Variants in ANKRD33B observed in about 807,000 individuals in gnomAD.
ANKRD33B encodes the protein ankyrin repeat domain-containing protein 33B.
In ANKRD33B, 6 loss-of-function variants were observed where a neutral mutation model predicts 21.5. The observed-to-expected ratio is 0.28, with a 90% CI of 0.15 to 0.55. ANKRD33B has a LOEUF of 0.55. Among genes scored for constraint, ANKRD33B ranks in the 20% least tolerant of loss-of-function variants. The pLI is 0.94. For missense variants in ANKRD33B, 698 were observed against 747.2 expected, an observed-to-expected ratio of 0.93 and a Z score of 0.77; for synonymous variants, 347 against 342.4, an observed-to-expected ratio of 1.01 and a Z score of -0.15.
chr5:10,584,059 C>T (rs745861913), intron 1 of ANKRD33B, among the ~76,000 whole-genome samples: 6 of 152,316 alleles, frequency 3.9e-5, no homozygotes, highest in South Asian at 2.1e-4. Flanking sequence ...GTGGTGGCAG[C>T]TGCCACCTGC....
Position 10,652,310 on chromosome 5 carries a change from G to T in ANKRD33B, c.*2197G>T, listed in dbSNP as rs80094016. On this transcript the variant is annotated 3_prime_UTR_variant, in exon 4 of 4. Transcript: ENST00000296657. The surrounding 1 kb of genome is among the most constrained non-coding windows in gnomAD (Gnocchi z 4.1). ...AGCCCTGGGAGCGCCCTAAAGCTCCGCAGGTAACTGCACTGCAGCCCGCAT... is the reference window on the plus strand; with the variant it reads ...AGCCCTGGGAGCGCCCTAAAGCTCCTCAGGTAACTGCACTGCAGCCCGCAT... 6.6e-6 allele frequency: 1 copy of T among 152,518 alleles called. No individual in the cohort carries two copies. Among genetic ancestry groups the T allele is most frequent in the South Asian group, 2.1e-4 (1 of 4,830 alleles). The allele number at this position is 152,518 out of a possible 1,614,324, so 9.4% of individuals were successfully genotyped here.
In ANKRD33B at chr5:10,606,688, C is replaced by T. The variant is rs546170497; in HGVS notation, c.367-11645C>T. Among the ~76,000 whole-genome samples the T allele has an allele frequency of 3.3e-5, 5 of 150,496 alleles. No homozygotes were observed. The East Asian group carries it at 6.1e-4, about 18-fold the overall frequency. On this transcript the variant is annotated intron_variant, in intron 1 of 3. Coordinates refer to ENST00000296657, the MANE Select transcript of ANKRD33B (RefSeq NM_001164440.2). ...GGTGGAGGTTGCAGTGACCTGAGAT[C>T]GTGCCACTGCACTCCAGCCTGGCGA...
chr5:10,632,253 C>A (rs1736738636), intron 2 of ANKRD33B, among the ~76,000 whole-genome samples: 1 of 152,060 alleles, frequency 6.6e-6, no homozygotes, highest in Non-Finnish European at 1.5e-5. Flanking sequence ...CCTCTATGAA[C>A]TTGAAGATGA....
chr5:10,619,626 T>C lies in ANKRD33B; in HGVS notation c.496+1164T>C, dbSNP rs1736369876. 6.6e-6 allele frequency among the ~76,000 whole-genome samples: 1 copy of C among 152,198 alleles called. No homozygotes were observed. Among genetic ancestry groups the C allele is most frequent in the Non-Finnish European group, 1.5e-5 (1 of 68,042 alleles). ...TTCAAACTTAGAAAGGGCCAGGGGC[T>C]GTGCTAACATGTGTTCACCTCCTCA... On this transcript the variant is annotated intron_variant, in intron 2 of 3. Coordinates refer to ENST00000296657, the MANE Select transcript of ANKRD33B (RefSeq NM_001164440.2). This position sits in a 1 kb window ranked among gnomAD's most constrained non-coding sequence, Gnocchi z 4.5.
chr5:10,623,865 G>T (rs939001555), intron 2 of ANKRD33B, among the ~76,000 whole-genome samples: 1 of 152,200 alleles, frequency 6.6e-6, no homozygotes, highest in Non-Finnish European at 1.5e-5. Flanking sequence ...CCTCCACTTG[G>T]CCTGGCTGAT....
chr5:10,598,306 G>A (rs1236577991), intron 1 of ANKRD33B, among the ~76,000 whole-genome samples: 1 of 151,698 alleles, frequency 6.6e-6, no homozygotes, highest in African/African-American at 2.4e-5. Context: ...TTGCTCTGTT[G>A]CCCAGGCTGC....
chr5:10,571,479 G>T (rs1474653913), intron 1 of ANKRD33B, among the ~76,000 whole-genome samples: 1 of 152,140 alleles, frequency 6.6e-6, no homozygotes, highest in Non-Finnish European at 1.5e-5. Flanking sequence ...TGGGATTACA[G>T]GCCTGTGCCA....
chr5:10,592,492 T>C (rs1579721625), intron 1 of ANKRD33B, among the ~76,000 whole-genome samples: 1 of 138,500 alleles, frequency 7.2e-6, no homozygotes, highest in Admixed American at 7.4e-5. Context: ...GTGGACGTGG[T>C]GGCGGCTGTA....
At chr5:10,573,195 G>A (rs976318993) in intron 1 of ANKRD33B, among the ~76,000 whole-genome samples, 9 of 152,262 alleles carry the variant, frequency 5.9e-5, no homozygotes, top group East Asian at 3.9e-4. Context: ...CCAGCTGGGC[G>A]CGGTGGCTCA....
rs1370583706 is a variant in ANKRD33B at position 10,619,004 on chromosome 5, A to C, written c.496+542A>C. ...TATCCAAGCATGTGGCCCTCAGCCC[A>C]TCAGTCATCAAGAAGACAGTGCTTA... is the stretch of plus-strand genomic sequence containing the variant. On this transcript the variant is annotated intron_variant, in intron 2 of 3. Transcript: ENST00000296657. This position sits in a 1 kb window ranked among gnomAD's most constrained non-coding sequence, Gnocchi z 4.5. Among the ~76,000 whole-genome samples the C allele has an allele frequency of 1.3e-5, 2 of 152,168 alleles. No individual in the cohort carries two copies. Among genetic ancestry groups the C allele is most frequent in the African/African-American group, 4.8e-5 (2 of 41,446 alleles).
At chr5:10,631,167 G>C (rs1736702245) in intron 2 of ANKRD33B, among the ~76,000 whole-genome samples, 1 of 152,178 alleles carries the variant, frequency 6.6e-6, no homozygotes, top group Non-Finnish European at 1.5e-5. Context: ...TTCCAGTTTG[G>C]ATGGCTGGCC....
intron 1 of ANKRD33B, among the ~76,000 whole-genome samples, chr5:10,607,162 C>T (rs544372173): frequency 6.6e-6 from 1 of 152,294 alleles, no homozygotes; most frequent in South Asian, 2.1e-4. Context: ...TACTGTTACA[C>T]GCACACACAC....
At chr5:10,601,314 C>T (rs755485455) in intron 1 of ANKRD33B, among the ~76,000 whole-genome samples, 3 of 152,176 alleles carry the variant, frequency 2.0e-5, no homozygotes, top group East Asian at 1.9e-4. Context: ...CCTCAGCCCT[C>T]GTGGAAGCCC....
chr5:10,641,088 T>C (rs1737043442), intron 3 of ANKRD33B, among the ~76,000 whole-genome samples: 1 of 152,174 alleles, frequency 6.6e-6, no homozygotes, highest in Non-Finnish European at 1.5e-5. Context: ...CCTGTCTTGG[T>C]TATCCTGAGG....
At chr5:10,640,000 C>G (rs1349904154) in intron 3 of ANKRD33B, among the ~76,000 whole-genome samples, 2 of 64,344 alleles carry the variant, frequency 3.1e-5, no homozygotes, top group East Asian at 5.1e-4. Flanking sequence ...GCGATGTTAG[C>G]GGGTGACGTG....
At position 10,564,740 on chromosome 5, in the gene ANKRD33B, C is replaced by G; in HGVS notation, c.273C>G (p.Arg91=). Residue 91 remains arginine, a synonymous_variant, in exon 1 of 4, where the codon CGC becomes CGG. Coordinates refer to ENST00000296657, the MANE Select transcript of ANKRD33B (RefSeq NM_001164440.2). ...ESVPETATLL[R]AACANNVGLL... ...TCCCGGAGACGGCGACCCTCCTGCG[C>G]GCCGCCTGCGCCAACAACGTGGGGC... 6.5e-7 allele frequency: 1 copy of G among 1,530,948 alleles called. No individual in the cohort carries two copies. The allele number at this position is 1,530,948 out of a possible 1,614,324, so 94.8% of individuals were successfully genotyped here.
In ANKRD33B at chr5:10,574,400, AT is replaced by A. The variant is rs946166486; in HGVS notation, c.366+9577del. ...ACACCATGTTCTCTGAATTTGGTTA[AT>A]TTTTTTTTTCTAGATCTAACACAAT... On this transcript the variant is annotated intron_variant, in intron 1 of 3. Transcript: ENST00000296657. Among the ~76,000 whole-genome samples the A allele has an allele frequency of 4.3e-3, 654 of 151,106 alleles. 5 individuals are homozygous for A. The highest frequency in any genetic ancestry group is 0.014 in the African/African-American group (583 of 41,266).
intron 3 of ANKRD33B, among the ~76,000 whole-genome samples, chr5:10,642,563 C>T (rs760014199): frequency 6.6e-6 from 1 of 152,184 alleles, no homozygotes; most frequent in Non-Finnish European, 1.5e-5. Context: ...CCTCTCTGGG[C>T]CCCAGTTTCC....
rs1215812697 is a variant in ANKRD33B at position 10,638,902 on chromosome 5, G to A, written c.637+734G>A. Among the ~76,000 whole-genome samples the A allele has an allele frequency of 1.3e-4, 17 of 132,688 alleles. 1 individual carries two copies. Among genetic ancestry groups the A allele is most frequent in the African/African-American group, 2.8e-4 (11 of 38,752 alleles). The allele number at this position is 132,688 out of a possible 152,430, so 87.0% of individuals were successfully genotyped here. A position where few individuals can be genotyped will look rare whatever the true frequency, so the allele number is the denominator to read the frequency against. ...ATGTTAGCGGGTGACGTGGAGTTGT[G>A]TGGTAATGTTAGCGGGTGACGCGGA... On this transcript the variant is annotated intron_variant, in intron 3 of 3. Coordinates refer to ENST00000296657, the MANE Select transcript of ANKRD33B (RefSeq NM_001164440.2).
Sources: gnomAD v4.1 joint callset for allele counts (sites outside exome capture counted in the v4.1 genomes callset) on GRCh38, gnomAD v4.1.1 for gene constraint, Gnocchi (gnomAD v3.1) non-coding constraint, MANE v1.5 for transcripts, NCBI Gene and HGNC (gene_info 2026-07-23, HGNC 2026-07-21) for gene names.